Variants in RSPO2 observed in about 807,000 individuals in gnomAD.
RSPO2 encodes R-spondin-2.
A neutral mutation model predicts 30.9 loss-of-function variants in RSPO2; 14 were observed. The ratio of observed to expected loss-of-function variants is 0.45; its 90% CI spans 0.30 to 0.71. RSPO2 has a LOEUF of 0.71. Ranked by LOEUF, RSPO2 falls within the 30% of genes least tolerant of loss-of-function variation. The pLI is 0.08. For missense variants in RSPO2, 264 were observed against 301.9 expected, an observed-to-expected ratio of 0.87 and a Z score of 0.93; for synonymous variants, 107 against 96.4, an observed-to-expected ratio of 1.11 and a Z score of -0.64.
At chr8:108,039,167 G>C (rs1049431481) in intron 2 of RSPO2, among the ~76,000 whole-genome samples, 4 of 152,028 alleles carry the variant, frequency 2.6e-5, no homozygotes, top group Non-Finnish European at 4.4e-5. Flanking sequence ...GTATTTTACA[G>C]GTTCCTAGAT....
chr8:108,030,119 GAAAAAAAAA>G (rs11434221), intron 2 of RSPO2, among the ~76,000 whole-genome samples: 6 of 70,996 alleles, frequency 8.5e-5, no homozygotes, highest in South Asian at 7.2e-4. Flanking sequence ...GGATAGATAG[GAAAAAAAAA>G]AAAAAAAAAA....
chr8:107,930,234 G>T (rs924471627), intron 5 of RSPO2, among the ~76,000 whole-genome samples: 1 of 152,130 alleles, frequency 6.6e-6, no homozygotes, highest in Admixed American at 6.5e-5. Context: ...TCACTTAATC[G>T]CAAAGTTCAC....
intron 5 of RSPO2, among the ~76,000 whole-genome samples, chr8:107,948,058 C>T (rs894935582): frequency 6.6e-5 from 10 of 152,226 alleles, no homozygotes; most frequent in Admixed American, 2.0e-4. Context: ...GCAATGGCAG[C>T]TAAAAACAAT....
intron 2 of RSPO2, among the ~76,000 whole-genome samples, chr8:108,021,345 C>T (rs1181240408): frequency 6.6e-6 from 1 of 152,170 alleles, no homozygotes; most frequent in Non-Finnish European, 1.5e-5. Flanking sequence ...CTACCCTGAG[C>T]CCCCACTTCC....
At chr8:107,910,695 T>G (rs1171391324) in intron 5 of RSPO2, among the ~76,000 whole-genome samples, 2 of 152,144 alleles carry the variant, frequency 1.3e-5, no homozygotes, top group African/African-American at 4.8e-5. Flanking sequence ...TGAACCTCCC[T>G]CATTGTAATA....
At chr8:108,018,621 A>C (rs1810967065) in intron 2 of RSPO2, among the ~76,000 whole-genome samples, 1 of 152,230 alleles carries the variant, frequency 6.6e-6, no homozygotes, top group South Asian at 2.1e-4. Flanking sequence ...GTAAGAATTA[A>C]ATTTCTTTGT....
At chr8:108,080,808 A>T (rs1449676528) in intron 2 of RSPO2, among the ~76,000 whole-genome samples, 1 of 152,188 alleles carries the variant, frequency 6.6e-6, no homozygotes, top group Non-Finnish European at 1.5e-5. Flanking sequence ...TATTTTGCAG[A>T]CTTCAAGCAC....
chr8:108,079,698 G>GA (rs745317222), intron 2 of RSPO2, among the ~76,000 whole-genome samples: 6,985 of 133,058 alleles, frequency 0.052, 465 homozygotes, highest in African/African-American at 0.17. Context: ...ATGGAATATG[G>GA]AAAAAAAAAA....
Position 108,002,504 on chromosome 8 carries a change from T to G in RSPO2, c.95-13260A>C, listed in dbSNP as rs145780731. Among the ~76,000 whole-genome samples, 752 of 152,324 alleles carry G rather than the reference T, an allele frequency of 4.9e-3. 7 individuals are homozygous for G. Among genetic ancestry groups the G allele is most frequent in the African/African-American group, 0.017 (722 of 41,572 alleles). On this transcript the variant is annotated intron_variant, in intron 2 of 5. Coordinates refer to ENST00000276659, the MANE Select transcript of RSPO2 (RefSeq NM_178565.5). ...CTGCCTATCCAAAATTAAATTGCTTTTTTAAAAAGAGGGGTAGGATGGACT... is the reference window on the plus strand; with the variant it reads ...CTGCCTATCCAAAATTAAATTGCTTGTTTAAAAAGAGGGGTAGGATGGACT...
intron 4 of RSPO2, 139 bp from the exon 5 acceptor site, chr8:107,958,407 C>T: frequency 1.6e-6 from 1 of 638,442 alleles, no homozygotes; most frequent in East Asian, 2.7e-5. Flanking sequence ...GTGGTACAGC[C>T]TTGAAGACCT....
chr8:108,038,504 C>T (rs565625280), intron 2 of RSPO2, among the ~76,000 whole-genome samples: 2 of 152,118 alleles, frequency 1.3e-5, no homozygotes, highest in Admixed American at 6.5e-5. Context: ...AGGATTGACT[C>T]CGATTCTAAA....
At position 108,064,251 on chromosome 8, in the gene RSPO2, G is replaced by A. The variant is rs569338809; in HGVS notation, c.94+18294C>T. Among the ~76,000 whole-genome samples the A allele has an allele frequency of 7.2e-5, 11 of 152,188 alleles. No individual in the cohort carries two copies. The East Asian group carries it at 1.9e-3, about 27-fold the overall frequency. Reference sequence around the variant, plus strand: ...ATCAGAGTGAAACAGGCAACCTACAGAATGGGAGAAAATTTTTGCAATCTA... The same window carrying A: ...ATCAGAGTGAAACAGGCAACCTACAAAATGGGAGAAAATTTTTGCAATCTA... On this transcript the variant is annotated intron_variant, in intron 2 of 5. Transcript: ENST00000276659.
At chr8:107,955,702 T>C (rs758074717) in intron 5 of RSPO2, among the ~76,000 whole-genome samples, 2 of 152,210 alleles carry the variant, frequency 1.3e-5, no homozygotes, top group African/African-American at 2.4e-5. Context: ...ATATCTTATA[T>C]GCATAGTGAT....
intron 3 of RSPO2, among the ~76,000 whole-genome samples, chr8:107,968,057 T>G (rs1813871148): frequency 6.6e-6 from 1 of 152,062 alleles, no homozygotes; most frequent in Admixed American, 6.6e-5. Flanking sequence ...GTATAAAAAT[T>G]TACTACCAAT....
intron 5 of RSPO2, among the ~76,000 whole-genome samples, chr8:107,954,796 A>C (rs58349223): frequency 0.037 from 5,574 of 151,926 alleles, 374 homozygotes; most frequent in African/African-American, 0.13. Context: ...TTTTTAGTAG[A>C]GGCGGGGTTT....
chr8:107,982,046 G>GA (rs1563549476), intron 3 of RSPO2, among the ~76,000 whole-genome samples: 1 of 106,924 alleles, frequency 9.4e-6, no homozygotes, highest in Non-Finnish European at 2.1e-5. Context: ...AGGAAAGAAA[G>GA]AAGAAAAAAA....
chr8:108,082,606 G>C lies in RSPO2; in HGVS notation c.33C>G (p.Ile11Met), dbSNP rs761309497. The change falls in exon 2 of 6, where the codon ATC becomes ATG. Residue 11 changes from isoleucine (I) to methionine (M), a missense_variant. Ile to Met is a conservative substitution (Grantham distance 10). Coordinates refer to ENST00000276659, the MANE Select transcript of RSPO2 (RefSeq NM_178565.5). Reference sequence around the variant, plus strand: ...GGCTGTAATCCATGCAGTTCAGAATGATGAGGGCAAAGGAGAAAAGGCGAA... The same window carrying C: ...GGCTGTAATCCATGCAGTTCAGAATCATGAGGGCAAAGGAGAAAAGGCGAA... MQFRLFSFALIILNCMDYSHC... is the reference protein window; with the variant it reads MQFRLFSFALMILNCMDYSHC... 8.1e-6 allele frequency: 13 copies of C among 1,614,042 alleles called. No individual in the cohort carries two copies. The Admixed American group carries it at 2.0e-4, about 25-fold the overall frequency.
intron 3 of RSPO2, among the ~76,000 whole-genome samples, chr8:107,982,245 A>G (rs1207674907): frequency 3.3e-5 from 5 of 152,154 alleles, no homozygotes; most frequent in South Asian, 4.1e-4. Context: ...GGCAAAGTAT[A>G]TTGTTTTCTT....
chr8:107,949,711 G>A (rs920030074), intron 5 of RSPO2, among the ~76,000 whole-genome samples: 1 of 152,158 alleles, frequency 6.6e-6, no homozygotes, highest in Non-Finnish European at 1.5e-5. Flanking sequence ...AGAAACTGGA[G>A]ACTCAGAATT....
Sources: allele counts gnomAD v4.1 joint callset (sites outside exome capture counted in the v4.1 genomes callset), GRCh38; gene constraint gnomAD v4.1.1; transcripts MANE v1.5; gene names NCBI Gene and HGNC (gene_info 2026-07-23, HGNC 2026-07-21).